Variants in TFEC observed in about 807,000 individuals in gnomAD.
TFEC encodes the protein class E basic helix-loop-helix protein 34.
Under a neutral mutation model 41.6 loss-of-function variants are expected in TFEC, and 31 were observed. That is an observed-to-expected ratio of 0.74 (90% CI 0.56 to 1.01). The LOEUF is 1.01. Among genes scored for constraint, TFEC ranks in the 50% least tolerant of loss-of-function variants. TFEC has a pLI of 0.00. For missense variants in TFEC, 402 were observed against 404.1 expected (o/e 0.99, Z 0.04); for synonymous variants, 143 against 140.6 (o/e 1.02, Z -0.12).
intron 3 of TFEC, among the ~76,000 whole-genome samples, chr7:116,080,516 C>CA: frequency 6.6e-6 from 1 of 151,830 alleles, no homozygotes; most frequent in Non-Finnish European, 1.5e-5. Context: ...ACATTCCCAT[C>CA]AAAAAGTGGG....
At chr7:116,017,139 C>CT (rs1363626822) in intron 1 of TFEC, among the ~76,000 whole-genome samples, 1 of 152,204 alleles carries the variant, frequency 6.6e-6, no homozygotes, top group African/African-American at 2.4e-5. Flanking sequence ...AATCATTCTT[C>CT]TTACAGCCTT....
At chr7:116,073,520 C>G (rs939999300) in intron 3 of TFEC, among the ~76,000 whole-genome samples, 1 of 151,216 alleles carries the variant, frequency 6.6e-6, no homozygotes, top group Admixed American at 6.6e-5. Context: ...AGCAAACTAC[C>G]ATAGCACGTG....
At chr7:116,001,558 T>TG in intron 1 of TFEC, among the ~76,000 whole-genome samples, 1 of 150,400 alleles carries the variant, frequency 6.6e-6, no homozygotes, top group Non-Finnish European at 1.5e-5. Context: ...AAAAAAACAT[T>TG]GGGGAAACTC....
At chr7:116,025,547 C>T (rs796727696) in intron 1 of TFEC, among the ~76,000 whole-genome samples, 9 of 152,234 alleles carry the variant, frequency 5.9e-5, no homozygotes, top group African/African-American at 2.2e-4. Flanking sequence ...CAGCCTTTCA[C>T]TCTCCACACT....
intron 2 of TFEC, among the ~76,000 whole-genome samples, chr7:115,982,858 A>T (rs1160677223): frequency 1.3e-5 from 2 of 152,228 alleles, no homozygotes; most frequent in South Asian, 2.1e-4. Flanking sequence ...AAAAAAAGTA[A>T]ATAAAAGGCA....
At chr7:116,083,310 A>G (rs539612111) in intron 3 of TFEC, among the ~76,000 whole-genome samples, 2 of 151,944 alleles carry the variant, frequency 1.3e-5, no homozygotes, top group South Asian at 4.1e-4. Context: ...AAAATTTACC[A>G]TGCCTTACAT....
intron 6 of TFEC, among the ~76,000 whole-genome samples, chr7:115,946,399 G>GTC (rs1386498578): frequency 7.0e-5 from 4 of 57,184 alleles, no homozygotes; most frequent in Non-Finnish European, 1.9e-4. Flanking sequence ...AACATAACGT[G>GTC]TGTGTGTGTG....
At chr7:116,111,332 A>T (rs1210606280) in intron 2 of TFEC, among the ~76,000 whole-genome samples, 2 of 152,078 alleles carry the variant, frequency 1.3e-5, no homozygotes, top group Non-Finnish European at 2.9e-5. Context: ...CTCAGTGTGC[A>T]AGTATATTAA....
At chr7:116,016,917 C>T (rs373901026) in intron 1 of TFEC, among the ~76,000 whole-genome samples, 15 of 152,048 alleles carry the variant, frequency 9.9e-5, no homozygotes, top group African/African-American at 3.6e-4. Flanking sequence ...AAACCTGCTA[C>T]TCCTTAGTCT....
intron 1 of TFEC, among the ~76,000 whole-genome samples, chr7:116,158,294 T>C (rs936312212): frequency 2.6e-5 from 4 of 152,118 alleles, no homozygotes; most frequent in African/African-American, 9.7e-5. Flanking sequence ...TTTCTCTTTT[T>C]TCCCCCTCAT....
At chr7:116,070,857 A>G (rs1277254250) in intron 3 of TFEC, among the ~76,000 whole-genome samples, 1 of 151,398 alleles carries the variant, frequency 6.6e-6, no homozygotes, top group African/African-American at 2.4e-5. Flanking sequence ...ATTCACCAAA[A>G]GTGTATTAGA....
chr7:116,063,120 C>T (rs924765254), intron 3 of TFEC, among the ~76,000 whole-genome samples: 1 of 152,136 alleles, frequency 6.6e-6, no homozygotes, highest in African/African-American at 2.4e-5. Flanking sequence ...TTGACACATG[C>T]TACAACATGG....
intron 1 of TFEC, among the ~76,000 whole-genome samples, chr7:116,002,918 T>C (rs2130781863): frequency 6.6e-6 from 1 of 152,224 alleles, no homozygotes; most frequent in Admixed American, 6.5e-5. Flanking sequence ...GTATAACTGA[T>C]ATGTTAAGAA....
At chr7:116,006,376 T>A (rs1794790392) in intron 1 of TFEC, among the ~76,000 whole-genome samples, 1 of 152,196 alleles carries the variant, frequency 6.6e-6, no homozygotes, top group Non-Finnish European at 1.5e-5. Flanking sequence ...AGAATCCACC[T>A]CTTGCATCTG....
intron 1 of TFEC, among the ~76,000 whole-genome samples, chr7:116,142,039 C>A (rs1372151498): frequency 6.6e-6 from 1 of 152,114 alleles, no homozygotes; most frequent in Non-Finnish European, 1.5e-5. Context: ...ATACTGGTGC[C>A]ATTTAGGTTA....
At position 115,954,610 on chromosome 7, in the gene TFEC, G is replaced by A; in HGVS notation, c.415C>T (p.Gln139Ter). ...TDTRALAKER[Q>*]KKDNHNLIER... ...CTGAGGTTGTGGTTGTCCTTTTTTT[G>A]TCTCTCTTTTGCTAAAGCTCTAGTG... Residue 139 changes from glutamine to a stop codon, truncating the protein, a stop_gained, in exon 5 of 8, where the codon CAA (glutamine) becomes TAA (stop). Transcript: ENST00000265440. LOFTEE classifies it high-confidence loss of function. 6.2e-7 allele frequency: 1 copy of A among 1,609,902 alleles called. No individual in the cohort carries two copies.
At chr7:116,112,727 T>C (rs1383157652) in intron 1 of TFEC, among the ~76,000 whole-genome samples, 1 of 151,914 alleles carries the variant, frequency 6.6e-6, no homozygotes, top group Non-Finnish European at 1.5e-5. Flanking sequence ...AACTAGAATA[T>C]ATAAAACAAC....
chr7:116,037,008 A>T (rs1187850224), intron 3 of TFEC, among the ~76,000 whole-genome samples: 1 of 152,110 alleles, frequency 6.6e-6, no homozygotes, highest in Non-Finnish European at 1.5e-5. Flanking sequence ...GTTATTTGCC[A>T]AATGGCAGCT....
rs1793522192 is a variant in TFEC, at chr7:115,941,880, T to C, written c.663+13A>G. 1.2e-6 allele frequency: 2 copies of C among 1,612,632 alleles called. No individual in the cohort carries two copies. Among genetic ancestry groups the C allele is most frequent in the African/African-American group, 1.3e-5 (1 of 74,828 alleles). ...GTAAGCTATGTGACTCATGGCTACA[T>C]TCTTATAAAAACCTGAATCCGAAGT... On this transcript the variant is annotated intron_variant, in intron 7 of 7. Transcript: ENST00000265440.
Sources: gnomAD v4.1 joint callset for allele counts (sites outside exome capture counted in the v4.1 genomes callset) on GRCh38, gnomAD v4.1.1 for gene constraint, MANE v1.5 for transcripts, NCBI Gene and HGNC (gene_info 2026-07-23, HGNC 2026-07-21) for gene names.